Variants in BCKDHB observed in about 807,000 individuals in gnomAD.
The protein encoded by BCKDHB is 2-oxoisovalerate dehydrogenase subunit beta, mitochondrial.
A neutral mutation model predicts 48.5 loss-of-function variants in BCKDHB; 41 were observed. The ratio of observed to expected loss-of-function variants is 0.85; its 90% CI spans 0.66 to 1.10. The LOEUF (loss-of-function observed/expected upper bound fraction) is 1.10, where lower values mean the gene tolerates loss of function less well. Among genes scored for constraint, BCKDHB ranks in the 50% least tolerant of loss-of-function variants. The pLI is 0.00. For synonymous variants in BCKDHB, 201 were observed against 174.8 expected (o/e 1.15, Z -1.18); for missense variants, 496 against 494.2 (o/e 1.00, Z -0.03).
chr6:80,336,388 A>G (rs1171100811), intron 9 of BCKDHB, among the ~76,000 whole-genome samples: 1 of 151,764 alleles, frequency 6.6e-6, no homozygotes, highest in Non-Finnish European at 1.5e-5. Context: ...TCTAACTTCA[A>G]AAAATAAGCA....
chr6:80,421,106 C>G, the BCKDHB span, among the ~76,000 whole-genome samples: 395 of 152,128 alleles, frequency 2.6e-3, 4 homozygotes, highest in African/African-American at 9.0e-3. Context: ...GAGGGAGGGA[C>G]CTGGTGGGAG....
intron 6 of BCKDHB, among the ~76,000 whole-genome samples, chr6:80,185,752 CAA>C (rs1773612907): frequency 6.6e-6 from 1 of 152,168 alleles, no homozygotes; most frequent in African/African-American, 2.4e-5. Flanking sequence ...GGAATGTCTG[CAA>C]AGAGTCCTGT....
intron 9 of BCKDHB, among the ~76,000 whole-genome samples, chr6:80,339,430 A>AT (rs1156698243): frequency 6.6e-6 from 1 of 152,138 alleles, no homozygotes; most frequent in Non-Finnish European, 1.5e-5. Flanking sequence ...AAAAAGGTAA[A>AT]TTTGTTTTGT....
At chr6:80,267,274 C>G (rs894103045) in intron 8 of BCKDHB, among the ~76,000 whole-genome samples, 1 of 152,010 alleles carries the variant, frequency 6.6e-6, no homozygotes, top group Non-Finnish European at 1.5e-5. Flanking sequence ...GAGTGTGCTG[C>G]CTTCACCTTA....
intron 8 of BCKDHB, among the ~76,000 whole-genome samples, chr6:80,257,164 T>A (rs967368027): frequency 9.9e-5 from 15 of 152,092 alleles, no homozygotes; most frequent in African/African-American, 3.4e-4. Context: ...ACTGATGCCC[T>A]GAAGCACAGC....
intron 8 of BCKDHB, among the ~76,000 whole-genome samples, chr6:80,225,007 C>G (rs988948524): frequency 6.6e-6 from 1 of 152,196 alleles, no homozygotes; most frequent in East Asian, 1.9e-4. Flanking sequence ...TTGCCTTTCT[C>G]TAACTTCCAC....
intron 8 of BCKDHB, among the ~76,000 whole-genome samples, chr6:80,269,854 A>G (rs1777661522): frequency 6.6e-6 from 1 of 152,082 alleles, no homozygotes; most frequent in Non-Finnish European, 1.5e-5. Context: ...AACATACTGC[A>G]TTAATTTTTA....
chr6:80,300,600 C>T (rs1484585526), intron 9 of BCKDHB, among the ~76,000 whole-genome samples: 1 of 152,156 alleles, frequency 6.6e-6, no homozygotes, highest in Middle Eastern at 3.2e-3. Flanking sequence ...AGAAATATCA[C>T]TGAGGCAGAA....
the BCKDHB span, among the ~76,000 whole-genome samples, chr6:80,410,848 CT>C: frequency 2.0e-5 from 3 of 152,114 alleles, no homozygotes; most frequent in Non-Finnish European, 4.4e-5. Flanking sequence ...TTCGTCTAAC[CT>C]TTTTTCAAGG....
chr6:80,190,202 G>T (rs1773828920), intron 6 of BCKDHB, among the ~76,000 whole-genome samples: 1 of 152,118 alleles, frequency 6.6e-6, no homozygotes, highest in Admixed American at 6.6e-5. Flanking sequence ...GAGTCTGTGA[G>T]AGAATTCTAG....
chr6:80,163,311 C>CTTTTTTTTTTTTTTTT (rs34383985), intron 3 of BCKDHB, among the ~76,000 whole-genome samples: 1 of 138,100 alleles, frequency 7.2e-6, no homozygotes, highest in African/African-American at 2.7e-5. Flanking sequence ...TGCAATTAAG[C>CTTTTTTTTTTTTTTTT]TTTTTTTTTT....
chr6:80,387,269 A>C, the BCKDHB span, among the ~76,000 whole-genome samples: 3 of 152,180 alleles, frequency 2.0e-5, no homozygotes. Context: ...CATACTTAAC[A>C]GCTGGCAGAA....
At chr6:80,400,996 T>C in the BCKDHB span, among the ~76,000 whole-genome samples, 1 of 147,010 alleles carries the variant, frequency 6.8e-6, no homozygotes, top group African/African-American at 2.7e-5. Context: ...TTCTCATTTA[T>C]AAGTGGAGTT....
At chr6:80,158,114 C>T (rs1322277596) in intron 3 of BCKDHB, among the ~76,000 whole-genome samples, 4 of 152,128 alleles carry the variant, frequency 2.6e-5, no homozygotes, top group Non-Finnish European at 5.9e-5. Context: ...AGCAGAGGAG[C>T]TTAGAAATTT....
At chr6:80,381,357 A>G in the BCKDHB span, among the ~76,000 whole-genome samples, 55 of 152,204 alleles carry the variant, frequency 3.6e-4, no homozygotes, top group Middle Eastern at 3.4e-3. Flanking sequence ...CAATATATTT[A>G]GTTCCTCCTT....
chr6:80,222,900 C>T (rs1775525708), intron 8 of BCKDHB, among the ~76,000 whole-genome samples: 1 of 152,108 alleles, frequency 6.6e-6, no homozygotes, highest in Non-Finnish European at 1.5e-5. Flanking sequence ...TGTTACTTTA[C>T]ATAGAATTCT....
At chr6:80,195,529 G>GT (rs1201988756) in intron 6 of BCKDHB, among the ~76,000 whole-genome samples, 1 of 152,130 alleles carries the variant, frequency 6.6e-6, no homozygotes, top group African/African-American at 2.4e-5. Context: ...TTGATTATCA[G>GT]TTTTATACAG....
the BCKDHB span, among the ~76,000 whole-genome samples, chr6:80,425,666 C>T: frequency 1.3e-5 from 2 of 152,168 alleles, no homozygotes; most frequent in Admixed American, 1.3e-4. Context: ...GACATCTGAT[C>T]ACTTTACCAT....
intron 8 of BCKDHB, among the ~76,000 whole-genome samples, chr6:80,268,563 G>C (rs1418029986): frequency 2.0e-5 from 3 of 151,936 alleles, no homozygotes; most frequent in African/African-American, 7.2e-5. Context: ...GTGTAGGTAA[G>C]GTTCAGTTGT....
Sources: allele counts gnomAD v4.1 joint callset (sites outside exome capture counted in the v4.1 genomes callset), GRCh38; gene constraint gnomAD v4.1.1; transcripts MANE v1.5; gene names NCBI Gene and HGNC (gene_info 2026-07-23, HGNC 2026-07-21).